The following YAE1 variants were observed in gnomAD, a reference collection of about 807,000 sequenced individuals.
YAE1 encodes the protein protein YAE1 homolog.
A neutral mutation model predicts 23.0 loss-of-function variants in YAE1; 22 were observed. The ratio of observed to expected loss-of-function variants is 0.96; its 90% CI spans 0.68 to 1.37. YAE1 has a LOEUF of 1.37. Ranked by LOEUF, YAE1 falls within the 40% of genes most tolerant of loss-of-function variation. The pLI is 0.00. For synonymous variants in YAE1, 101 were observed against 97.0 expected (o/e 1.04, Z -0.24); for missense variants, 260 against 262.1 (o/e 0.99, Z 0.06).
At chr7:39,573,461 C>T (rs1054065050), downstream of YAE1, among the ~76,000 whole-genome samples, 2 of 151,982 alleles carry the variant, frequency 1.3e-5, no homozygotes, top group Non-Finnish European at 2.9e-5. Flanking sequence ...TCTATATTAC[C>T]TTGAGGTAAT....
downstream of YAE1, among the ~76,000 whole-genome samples, chr7:39,573,112 C>T (rs1488602146): frequency 6.6e-6 from 1 of 151,854 alleles, no homozygotes; most frequent in South Asian, 2.1e-4. Context: ...TAATAGTTAA[C>T]GTAAATATAG....
At chr7:39,606,775 T>C (rs979124938) in intron 2 of YAE1, among the ~76,000 whole-genome samples, 2 of 152,210 alleles carry the variant, frequency 1.3e-5, no homozygotes, top group African/African-American at 2.4e-5. Flanking sequence ...GAATGAACTA[T>C]TGAATAAGTT....
intron 1 of YAE1, among the ~76,000 whole-genome samples, chr7:39,567,910 C>T (rs1790500444): frequency 1.3e-5 from 2 of 152,080 alleles, no homozygotes; most frequent in South Asian, 2.1e-4. Context: ...ACTATGTATG[C>T]CCTTTAAGGA....
intron 2 of YAE1, among the ~76,000 whole-genome samples, chr7:39,607,762 G>A (rs762403962): frequency 2.0e-5 from 3 of 152,110 alleles, no homozygotes; most frequent in South Asian, 2.1e-4. Flanking sequence ...TCTGCCTCCC[G>A]GGTTCAAGCA....
At chr7:39,576,114 A>G (rs1458918937), downstream of YAE1, among the ~76,000 whole-genome samples, 2 of 152,236 alleles carry the variant, frequency 1.3e-5, no homozygotes, top group African/African-American at 2.4e-5. Flanking sequence ...AGCTGGAAAC[A>G]TTAAGTCTTC....
At chr7:39,581,226 A>C (rs766956183) in intron 2 of YAE1, among the ~76,000 whole-genome samples, 11 of 152,260 alleles carry the variant, frequency 7.2e-5, no homozygotes, top group Non-Finnish European at 1.2e-4. Flanking sequence ...AGAATAGTTA[A>C]GCCTGTTTCC....
chr7:39,599,864 C>T (rs1289948577), intron 2 of YAE1, among the ~76,000 whole-genome samples: 2 of 152,130 alleles, frequency 1.3e-5, no homozygotes, highest in East Asian at 1.9e-4. Context: ...GCTGGGATTA[C>T]AGGCGTCAGC....
At chr7:39,577,949 T>C (rs1356818530) in intron 2 of YAE1, among the ~76,000 whole-genome samples, 2 of 151,956 alleles carry the variant, frequency 1.3e-5, no homozygotes, top group African/African-American at 4.8e-5. Context: ...GCTCGAGGTT[T>C]GTAAACACAC....
chr7:39,568,649 T>C (rs1790514297), intron 1 of YAE1, among the ~76,000 whole-genome samples: 1 of 152,206 alleles, frequency 6.6e-6, no homozygotes, highest in Admixed American at 6.5e-5. Context: ...AAATGCTGTT[T>C]ACTAAATCAT....
chr7:39,581,165 A>G (rs1790736516), intron 2 of YAE1, among the ~76,000 whole-genome samples: 1 of 152,236 alleles, frequency 6.6e-6, no homozygotes, highest in Non-Finnish European at 1.5e-5. Context: ...TTCTCTTTTT[A>G]GTCAACAAAT....
downstream of YAE1, among the ~76,000 whole-genome samples, chr7:39,576,704 G>A (rs952864009): frequency 1.3e-5 from 2 of 151,718 alleles, no homozygotes; most frequent in African/African-American, 2.4e-5. Context: ...GTCTCTTCAC[G>A]TTTCTCCAGG....
downstream of YAE1, among the ~76,000 whole-genome samples, chr7:39,577,719 A>G (rs1054581048): frequency 6.6e-6 from 1 of 152,038 alleles, no homozygotes; most frequent in Admixed American, 6.5e-5. Flanking sequence ...AAGCCTCCCC[A>G]ACGAGCACCA....
chr7:39,605,508 G>A lies in YAE1; in HGVS notation c.252-4109G>A, dbSNP rs555808293. Among the ~76,000 whole-genome samples, 3 of 152,320 alleles carry A rather than the reference G, an allele frequency of 2.0e-5. No homozygotes were observed. In the East Asian group the frequency reaches 5.8e-4, roughly 29 times the overall value. On this transcript the variant is annotated intron_variant, in intron 2 of 2. Transcript: ENST00000432096. The stretch of plus-strand genomic sequence containing the variant: ...CTCCTGTCTGACTGCTTTGAACTGG[G>A]ACATTAATCTTTCCCTCTTCCAGTC...
intron 2 of YAE1, among the ~76,000 whole-genome samples, chr7:39,587,642 T>C (rs1790839816): frequency 1.3e-5 from 2 of 152,188 alleles, no homozygotes; most frequent in African/African-American, 4.8e-5. Context: ...ATCCCCTGCT[T>C]TGGGCTCCTT....
chr7:39,582,895 A>C (rs1450878878), intron 2 of YAE1, among the ~76,000 whole-genome samples: 1 of 152,256 alleles, frequency 6.6e-6, no homozygotes, highest in African/African-American at 2.4e-5. Context: ...CTGACAGAGA[A>C]AGATGCCAAA....
downstream of YAE1, among the ~76,000 whole-genome samples, chr7:39,576,365 T>G (rs1790656985): frequency 2.0e-5 from 3 of 152,208 alleles, no homozygotes; most frequent in Non-Finnish European, 4.4e-5. Flanking sequence ...TTATTCCCTT[T>G]TGTTTCTGTT....
At chr7:39,597,441 A>G (rs1790992303) in intron 2 of YAE1, among the ~76,000 whole-genome samples, 1 of 152,210 alleles carries the variant, frequency 6.6e-6, no homozygotes, top group African/African-American at 2.4e-5. Flanking sequence ...GTTGGAATGT[A>G]TGACTGGGAA....
downstream of YAE1, among the ~76,000 whole-genome samples, chr7:39,576,616 C>G (rs970361204): frequency 6.6e-6 from 1 of 152,226 alleles, no homozygotes; most frequent in African/African-American, 2.4e-5. Context: ...CTGTCACCCT[C>G]CAATACCAGC....
intron 2 of YAE1, chr7:39,609,504 G>T: frequency 2.9e-6 from 4 of 1,392,386 alleles, no homozygotes; most frequent in Non-Finnish European, 3.8e-6. Context: ...ACAAATCTTC[G>T]TTATAAGTTT....
Sources: gnomAD v4.1 joint callset for allele counts (sites outside exome capture counted in the v4.1 genomes callset) on GRCh38, gnomAD v4.1.1 for gene constraint, MANE v1.5 for transcripts, NCBI Gene and HGNC (gene_info 2026-07-23, HGNC 2026-07-21) for gene names.